Variants in MOK observed in about 807,000 individuals in gnomAD.
MOK encodes MAPK/MAK/MRK overlapping kinase.
Under a neutral mutation model 54.2 loss-of-function variants are expected in MOK, and 59 were observed. The ratio of observed to expected loss-of-function variants is 1.09; its 90% CI spans 0.88 to 1.35. The LOEUF (loss-of-function observed/expected upper bound fraction) is 1.35. MOK is among the 40% of genes most tolerant of loss of function. The probability of loss-of-function intolerance (pLI) is 0.00; values close to 1 mark genes in which losing one functional copy is unlikely to be tolerated. For synonymous variants in MOK, 210 were observed against 202.7 expected, an observed-to-expected ratio of 1.04 and a Z score of -0.31; for missense variants, 517 against 526.2, an observed-to-expected ratio of 0.98 and a Z score of 0.17.
chr14:102,224,197 A>G (rs1026514485), downstream of MOK, among the ~76,000 whole-genome samples: 1 of 151,636 alleles, frequency 6.6e-6, no homozygotes, highest in African/African-American at 2.4e-5. Flanking sequence ...GCCCGCCACC[A>G]CGCCCGGCTA....
rs190502066 is a variant in MOK at position 102,260,986 on chromosome 14, G to A, written c.283+2560C>T. On this transcript the variant is annotated intron_variant, in intron 4 of 11. Coordinates refer to ENST00000361847, the MANE Select transcript of MOK (RefSeq NM_014226.3). ...AAATACAAAACAATTGGCTGGGCGC[G>A]GTGGCTCATGCCTGTAATCCTAGCA... Among the ~76,000 whole-genome samples, 723 of 151,154 alleles carry A rather than the reference G, an allele frequency of 4.8e-3. 4 individuals carry two copies. The highest frequency in any genetic ancestry group is 7.2e-3 in the Non-Finnish European group (486 of 67,754).
chr14:102,278,047 CCT>C (rs140047508), intron 2 of MOK, among the ~76,000 whole-genome samples: 63 of 149,234 alleles, frequency 4.2e-4, no homozygotes, highest in Admixed American at 4.0e-4. Flanking sequence ...GAACATGCGA[CCT>C]CTCTCTCTCT....
chr14:102,291,608 G>A (rs2070763297), intron 1 of MOK, among the ~76,000 whole-genome samples: 1 of 152,168 alleles, frequency 6.6e-6, no homozygotes. Flanking sequence ...GAAGATCAGT[G>A]TCTTCATTGT....
chr14:102,289,054 C>G (rs2070458502), intron 1 of MOK, among the ~76,000 whole-genome samples: 1 of 152,092 alleles, frequency 6.6e-6, no homozygotes, highest in Admixed American at 6.6e-5. Flanking sequence ...AGGCACCCGC[C>G]ACCATGCCCA....
At position 102,229,672 on chromosome 14, in the gene MOK, G is replaced by A. The variant is rs1202912264; in HGVS notation, c.982-15C>T. 6.4e-7 allele frequency: 1 copy of A among 1,574,518 alleles called. No individual in the cohort carries two copies. Among genetic ancestry groups the A allele is most frequent in the Non-Finnish European group, 8.6e-7 (1 of 1,162,092 alleles). ...AGGGACTGTTTCTTGAAACAGAACAGAGGCCAGTTGGACATAAAACGCTTT... is the reference window on the plus strand; with the variant it reads ...AGGGACTGTTTCTTGAAACAGAACAAAGGCCAGTTGGACATAAAACGCTTT... On this transcript the variant is annotated splice_polypyrimidine_tract_variant and intron_variant, in intron 10 of 11. Coordinates refer to ENST00000361847, the MANE Select transcript of MOK (RefSeq NM_014226.3).
chr14:102,233,205 G>A (rs112905737), intron 8 of MOK: 1,657 of 156,082 alleles, frequency 0.011, 27 homozygotes, highest in African/African-American at 0.038. Context: ...GGGGCCGCTG[G>A]GTGCTACTTG....
chr14:102,305,078 G>C lies in MOK; in HGVS notation c.-110C>G. On this transcript the variant is annotated 5_prime_UTR_variant, in exon 1 of 12. Coordinates refer to ENST00000361847, the MANE Select transcript of MOK (RefSeq NM_014226.3). ...TTCCCTGAGGCGGGGTCCCGCACTA[G>C]GATCTCCGTGGTGGTCCCTCGAAGG... The C allele has an allele frequency of 1.6e-6, 2 of 1,280,576 alleles. No homozygotes were observed. The highest frequency in any genetic ancestry group is 2.2e-6 in the Non-Finnish European group (2 of 899,462). The allele number at this position is 1,280,576 out of a possible 1,614,324, so 79.3% of individuals were successfully genotyped here.
rs71305084 is a variant in MOK at position 102,278,381 on chromosome 14, T to TAA, written c.122+5095_122+5096dup. ...AGGTTTTTCATATTATACTTTTAAGTAAAAAAAAAAAAAAAGGCTTTTAGA... is the reference window on the plus strand; with the variant it reads ...AGGTTTTTCATATTATACTTTTAAGTAAAAAAAAAAAAAAAAAGGCTTTTAGA... On this transcript the variant is annotated intron_variant, in intron 2 of 11. Coordinates refer to ENST00000361847, the MANE Select transcript of MOK (RefSeq NM_014226.3). Among the ~76,000 whole-genome samples the TAA allele has an allele frequency of 4.7e-4, 63 of 132,778 alleles. 1 individual carries two copies. The highest frequency in any genetic ancestry group is 1.4e-3 in the African/African-American group (54 of 37,388). The allele number at this position is 132,778 out of a possible 152,430, so 87.1% of individuals were successfully genotyped here. A position where few individuals can be genotyped will look rare whatever the true frequency, so the allele number is the denominator to read the frequency against.
Position 102,230,900 on chromosome 14 carries a change from A to G in MOK, c.981+807T>C, listed in dbSNP as rs1003538076. On this transcript the variant is annotated intron_variant, in intron 10 of 11. Transcript: ENST00000361847. The surrounding 1 kb of genome is among the most constrained non-coding windows in gnomAD (Gnocchi z 4.1). ...AGCAAGTCTGTCTTTCGGACATTCA[A>G]GTGGAGCTGTCAAATCAGGGACCAA... 1 of 152,296 alleles carries G rather than the reference A, an allele frequency of 6.6e-6. No homozygotes were observed. Among genetic ancestry groups the G allele is most frequent in the Admixed American group, 6.5e-5 (1 of 15,282 alleles). The allele number at this position is 152,296 out of a possible 1,614,324, so 9.4% of individuals were successfully genotyped here.
intron 2 of MOK, among the ~76,000 whole-genome samples, chr14:102,276,003 G>T (rs1452942910): frequency 6.6e-6 from 1 of 152,084 alleles, no homozygotes; most frequent in Non-Finnish European, 1.5e-5. Flanking sequence ...CATAAATGAA[G>T]ATACATGAAT....
intron 3 of MOK, among the ~76,000 whole-genome samples, chr14:102,264,953 G>A (rs1210871151): frequency 6.6e-6 from 1 of 152,208 alleles, no homozygotes; most frequent in Non-Finnish European, 1.5e-5. Flanking sequence ...GTTCAGTGAG[G>A]TCTGTAAGCA....
chr14:102,233,731 C>A lies in MOK; in HGVS notation c.649G>T (p.Val217Phe). The stretch of plus-strand genomic sequence containing the variant: ...ATCTTCTGAGCGGGTGTGCCGATGA[C>A]ATCGTGGATTTTTGAGATTTGGTCC... ...ELDQISKIHD[V>F]IGTPAQKILT... The change falls in exon 8 of 12, where the codon GTC (valine) becomes TTC (phenylalanine). Residue 217 changes from valine (V) to phenylalanine (F), a missense_variant. Physicochemically the swap from Val to Phe is conservative, Grantham distance 50 (BLOSUM62 -1). Transcript: ENST00000361847. 6.2e-7 allele frequency: 1 copy of A among 1,614,160 alleles called. No homozygotes were observed. The highest frequency in any genetic ancestry group is 8.5e-7 in the Non-Finnish European group (1 of 1,179,996).
chr14:102,229,234 C>T lies in MOK; in HGVS notation c.*55G>A. The T allele has an allele frequency of 6.6e-7, 1 of 1,515,624 alleles. No homozygotes were observed. The highest frequency in any genetic ancestry group is 8.9e-7 in the Non-Finnish European group (1 of 1,120,136). 93.9% of individuals were successfully genotyped at this position (1,515,624 alleles called of 1,614,324 possible). A position where few individuals can be genotyped will look rare whatever the true frequency, so the allele number is the denominator to read the frequency against. On this transcript the variant is annotated 3_prime_UTR_variant, in exon 12 of 12. Coordinates refer to ENST00000361847, the MANE Select transcript of MOK (RefSeq NM_014226.3). ...CGTCTCAGCAGCAGATCACCCAGGCCTGGCCCGGTCGGGCTTGGTGTTGCC... is the reference window on the plus strand; with the variant it reads ...CGTCTCAGCAGCAGATCACCCAGGCTTGGCCCGGTCGGGCTTGGTGTTGCC...
intron 7 of MOK, among the ~76,000 whole-genome samples, chr14:102,239,518 A>G (rs1041142730): frequency 3.3e-5 from 5 of 152,098 alleles, no homozygotes; most frequent in Admixed American, 6.6e-5. Context: ...GGCCCTCCCA[A>G]TACCACATAA....
chr14:102,300,453 G>A (rs2072057318), intron 1 of MOK, among the ~76,000 whole-genome samples: 1 of 151,966 alleles, frequency 6.6e-6, no homozygotes, highest in Admixed American at 6.5e-5. Context: ...GGAGGCTGAG[G>A]TGGGAGGATT....
rs76673178 is a variant in MOK at position 102,280,192 on chromosome 14, C to A, written c.122+3286G>T. 5.7e-3 allele frequency among the ~76,000 whole-genome samples: 866 copies of A among 151,984 alleles called. 18 individuals carry two copies. The highest frequency in any genetic ancestry group is 0.035 in the East Asian group (179 of 5,156). ...CGCATACCAAAAGTGCCTGGTCCAG[C>A]GGAATTTCGGCTTCCTTGTCAAAGA... On this transcript the variant is annotated intron_variant, in intron 2 of 11. Coordinates refer to ENST00000361847, the MANE Select transcript of MOK (RefSeq NM_014226.3).
chr14:102,248,104 T>C (rs2066233601), intron 7 of MOK, among the ~76,000 whole-genome samples: 1 of 152,162 alleles, frequency 6.6e-6, no homozygotes, highest in African/African-American at 2.4e-5. Context: ...CAGCAAGAAG[T>C]GGCCAGACGC....
chr14:102,265,556 G>A (rs1253408089), intron 3 of MOK, among the ~76,000 whole-genome samples: 1 of 152,118 alleles, frequency 6.6e-6, no homozygotes, highest in Non-Finnish European at 1.5e-5. Flanking sequence ...GCTTGAACCA[G>A]GGAGGCGGAG....
chr14:102,233,796 G>A lies in MOK; in HGVS notation c.591-7C>T, dbSNP rs368930737. On this transcript the variant is annotated splice_region_variant and splice_polypyrimidine_tract_variant and intron_variant, in intron 7 of 11. Transcript: ENST00000361847. ...AGGAAAGAGGGGCTGCAGACTGGAA[G>A]GGCAGAAGGGGCACTGTGGTCAGTG... is the stretch of plus-strand genomic sequence containing the variant. The A allele has an allele frequency of 1.9e-6, 3 of 1,599,154 alleles. No homozygotes were observed. The highest frequency in any genetic ancestry group is 2.6e-6 in the Non-Finnish European group (3 of 1,166,362).
Sources: gnomAD v4.1 joint callset for allele counts (sites outside exome capture counted in the v4.1 genomes callset) on GRCh38, gnomAD v4.1.1 for gene constraint, Gnocchi (gnomAD v3.1) non-coding constraint, MANE v1.5 for transcripts, NCBI Gene and HGNC (gene_info 2026-07-23, HGNC 2026-07-21) for gene names.